Variants in KDM4C observed in about 807,000 individuals in gnomAD.
The protein encoded by KDM4C is lysine-specific demethylase 4C.
Under a neutral mutation model 129.3 loss-of-function variants are expected in KDM4C, and 81 were observed. That is an observed-to-expected ratio of 0.63 (90% CI 0.52 to 0.75). The LOEUF is 0.75. Ranked by LOEUF, KDM4C falls within the 30% of genes least tolerant of loss-of-function variation. The pLI, the probability that KDM4C is intolerant of heterozygous loss-of-function variation, is 0.00. For missense variants in KDM4C, 1,457 were observed against 1,304.0 expected, an observed-to-expected ratio of 1.12 and a Z score of -1.81; for synonymous variants, 573 against 456.1, an observed-to-expected ratio of 1.26 and a Z score of -3.26.
At chr9:6,793,498 C>G (rs1054768215) in intron 2 of KDM4C, among the ~76,000 whole-genome samples, 1 of 151,376 alleles carries the variant, frequency 6.6e-6, no homozygotes. Context: ...ATTTCTCTCT[C>G]CTATCCTTTT....
intron 4 of KDM4C, among the ~76,000 whole-genome samples, chr9:6,825,359 G>A (rs1290886391): frequency 6.6e-6 from 1 of 152,060 alleles, no homozygotes. Context: ...TGTGGTCCTC[G>A]GAAAACACCT....
At chr9:6,759,962 T>TATAA (rs34081778) in intron 1 of KDM4C, among the ~76,000 whole-genome samples, 39,716 of 142,854 alleles carry the variant, frequency 0.28, 5,664 homozygotes, top group Non-Finnish European at 0.31. Flanking sequence ...AAAGTAAAAA[T>TATAA]ATAAATAAAT....
chr9:7,064,446 T>G (rs1832135524), intron 17 of KDM4C, among the ~76,000 whole-genome samples: 1 of 152,150 alleles, frequency 6.6e-6, no homozygotes, highest in South Asian at 2.1e-4. Context: ...GTTTCAATAG[T>G]CAGGTGAAAG....
chr9:7,046,878 A>C lies in KDM4C; in HGVS notation c.2276A>C (p.Asn759Thr). 1 of 1,607,620 alleles carries C rather than the reference A, an allele frequency of 6.2e-7. No homozygotes were observed. Among genetic ancestry groups the C allele is most frequent in the Non-Finnish European group, 8.5e-7 (1 of 1,174,528 alleles). Residue 759 changes from asparagine (N) to threonine (T), a missense_variant, in exon 16 of 22, where the codon AAT becomes ACT. Asn to Thr is a moderately conservative substitution (Grantham distance 65, BLOSUM62 0). Coordinates refer to ENST00000381309, the MANE Select transcript of KDM4C (RefSeq NM_015061.6). The stretch of plus-strand genomic sequence containing the variant: ...TCCCCCCAGGAATGCTGTCTCTGCA[A>C]TTTGAGAGGAGGTGCTCTTAAGCAA... ...NAWTAECCLCNLRGGALKQTK... is the reference protein window; with the variant it reads ...NAWTAECCLCTLRGGALKQTK...
intron 17 of KDM4C, among the ~76,000 whole-genome samples, chr9:7,071,089 G>A (rs139414482): frequency 3.9e-5 from 6 of 152,234 alleles, no homozygotes; most frequent in South Asian, 2.1e-4. Flanking sequence ...AATGAAATGC[G>A]TAGATATAAC....
chr9:7,116,417 G>GTTATGTGGACCACCTAAGA (rs1386536362), intron 18 of KDM4C, among the ~76,000 whole-genome samples: 1 of 152,078 alleles, frequency 6.6e-6, no homozygotes, highest in South Asian at 2.1e-4. Flanking sequence ...TTTAATTGAG[G>GTTATGTGGACCACCTAAGA]TTATATGGAC....
chr9:6,742,558 C>CA (rs1817736230), intron 1 of KDM4C, among the ~76,000 whole-genome samples: 1 of 139,374 alleles, frequency 7.2e-6, no homozygotes, highest in Non-Finnish European at 1.5e-5. Flanking sequence ...GTTTCTTCAA[C>CA]TTTTTTTTTT....
At chr9:7,009,620 C>T (rs934658340) in intron 12 of KDM4C, among the ~76,000 whole-genome samples, 14 of 152,156 alleles carry the variant, frequency 9.2e-5, no homozygotes, top group Admixed American at 1.3e-4. Context: ...AACAATTTTA[C>T]TCTCTACTAC....
At chr9:6,746,044 G>A (rs1033102114) in intron 1 of KDM4C, among the ~76,000 whole-genome samples, 1 of 151,934 alleles carries the variant, frequency 6.6e-6, no homozygotes, top group East Asian at 1.9e-4. Context: ...AACCTCAGGT[G>A]ATCCGCCTGC....
At chr9:7,163,048 C>G (rs180893136) in intron 19 of KDM4C, among the ~76,000 whole-genome samples, 1 of 151,966 alleles carries the variant, frequency 6.6e-6, no homozygotes, top group Non-Finnish European at 1.5e-5. Flanking sequence ...AGTGATGGGC[C>G]GTGCAGGAAA....
chr9:7,056,251 G>T (rs909786771), intron 17 of KDM4C, among the ~76,000 whole-genome samples: 1 of 151,868 alleles, frequency 6.6e-6, no homozygotes, highest in African/African-American at 2.4e-5. Flanking sequence ...TATTTAACAC[G>T]GCCAGTATAA....
intron 15 of KDM4C, among the ~76,000 whole-genome samples, chr9:7,028,183 A>G (rs1410120832): frequency 6.6e-6 from 1 of 151,852 alleles, no homozygotes; most frequent in Non-Finnish European, 1.5e-5. Flanking sequence ...ACCATTACCT[A>G]GGAATGTGCT....
chr9:6,869,285 C>T (rs576165508), intron 5 of KDM4C, among the ~76,000 whole-genome samples: 1 of 152,292 alleles, frequency 6.6e-6, no homozygotes, highest in African/African-American at 2.4e-5. Context: ...TGCGGCTGAG[C>T]TCTAGCTGAG....
At position 6,785,626 on chromosome 9, in the gene KDM4C, T is replaced by C. The variant is rs551409973; in HGVS notation, c.-17-7346T>C. On this transcript the variant is annotated intron_variant, in intron 1 of 21. Transcript: ENST00000381309. ...TGCTGGGATTACAGGCATGAGCCAC[T>C]GCGCCTGGCTTCTTCTCTTCCTAAA... Among the ~76,000 whole-genome samples, 3 of 152,326 alleles carry C rather than the reference T, an allele frequency of 2.0e-5. No homozygotes were observed. The East Asian group carries it at 5.8e-4, about 29-fold the overall frequency.
At chr9:7,063,861 G>C (rs185813336) in intron 17 of KDM4C, among the ~76,000 whole-genome samples, 1 of 152,144 alleles carries the variant, frequency 6.6e-6, no homozygotes, top group Non-Finnish European at 1.5e-5. Context: ...AGAACTGTAA[G>C]GTCTAGGAAC....
rs187154078 is a variant in KDM4C at position 6,879,013 on chromosome 9, T to A, written c.630-999T>A. Among the ~76,000 whole-genome samples the A allele has an allele frequency of 5.6e-4, 86 of 152,380 alleles. 2 individuals are homozygous for A. Among genetic ancestry groups the A allele is most frequent in the Admixed American group, 4.2e-3 (64 of 15,304 alleles). On this transcript the variant is annotated intron_variant, in intron 5 of 21. Transcript: ENST00000381309. ...GATATATGATTGAATTTTCTTTTAG[T>A]GAATTGCATAGTTATATTGGATCCA...
chr9:6,844,804 C>T (rs1267700184), intron 4 of KDM4C, among the ~76,000 whole-genome samples: 1 of 152,172 alleles, frequency 6.6e-6, no homozygotes, highest in Admixed American at 6.5e-5. Context: ...TCTCCTACCT[C>T]AGCCTCCTGA....
intron 1 of KDM4C, among the ~76,000 whole-genome samples, chr9:6,751,728 C>A (rs973412877): frequency 3.9e-5 from 6 of 152,036 alleles, no homozygotes; most frequent in African/African-American, 1.4e-4. Flanking sequence ...TAGTTGTTCA[C>A]AATAGTCAGC....
At chr9:6,752,068 T>C (rs990199519) in intron 1 of KDM4C, among the ~76,000 whole-genome samples, 2 of 151,718 alleles carry the variant, frequency 1.3e-5, no homozygotes, top group Non-Finnish European at 2.9e-5. Flanking sequence ...GCGCGGTGGC[T>C]CACGCCTGTA....
Sources: allele counts gnomAD v4.1 joint callset (sites outside exome capture counted in the v4.1 genomes callset), GRCh38; gene constraint gnomAD v4.1.1; transcripts MANE v1.5; gene names NCBI Gene and HGNC (gene_info 2026-07-23, HGNC 2026-07-21).